SGCD: variants seen among roughly 807,000 people sequenced by gnomAD.
SGCD encodes the protein delta-sarcoglycan.
In SGCD, 18 loss-of-function variants were observed where a neutral mutation model predicts 36.6. That is an observed-to-expected ratio of 0.49 (90% CI 0.34 to 0.73). The LOEUF (loss-of-function observed/expected upper bound fraction) is 0.73. SGCD is among the 30% of genes least tolerant of loss of function. SGCD has a pLI of 0.01. For synonymous variants in SGCD, 133 were observed against 130.6 expected (o/e 1.02, Z -0.12); for missense variants, 387 against 346.7 (o/e 1.12, Z -0.92).
intron 4 of SGCD, among the ~76,000 whole-genome samples, chr5:156,550,980 T>C (rs1442723921): frequency 6.6e-6 from 1 of 152,206 alleles, no homozygotes; most frequent in Non-Finnish European, 1.5e-5. Flanking sequence ...CATGTTTCTT[T>C]ACCACTTGGC....
At chr5:156,585,545 G>A in intron 4 of SGCD, among the ~76,000 whole-genome samples, 1 of 152,186 alleles carries the variant, frequency 6.6e-6, no homozygotes, top group African/African-American at 2.4e-5. Context: ...TGTGATGACT[G>A]TGGAGAAGTC....
At position 156,419,998 on chromosome 5, in the gene SGCD, C is replaced by T. The variant is rs572132606; in HGVS notation, c.192+75321C>T. On this transcript the variant is annotated intron_variant, in intron 3 of 8. Transcript: ENST00000337851. The stretch of plus-strand genomic sequence containing the variant: ...CTAGGAAGACTCTTGTGACATGGCT[C>T]TGCCCCTGTCCTTCACCTCAGCCTC... Among the ~76,000 whole-genome samples, 523 of 152,204 alleles carry T rather than the reference C, an allele frequency of 3.4e-3. 3 individuals carry two copies. Among genetic ancestry groups the T allele is most frequent in the African/African-American group, 0.012 (504 of 41,556 alleles).
intron 1 of SGCD, among the ~76,000 whole-genome samples, chr5:156,012,907 A>G (rs1467275126): frequency 6.6e-6 from 1 of 151,082 alleles, no homozygotes; most frequent in Non-Finnish European, 1.5e-5. Context: ...CGCCCAGCCC[A>G]CGAAAGCTTC....
intron 3 of SGCD, among the ~76,000 whole-genome samples, chr5:156,452,417 C>G (rs1754060645): frequency 6.6e-6 from 1 of 152,160 alleles, no homozygotes; most frequent in African/African-American, 2.4e-5. Context: ...CTTCCCTTTT[C>G]TAAGATTATA....
intron 3 of SGCD, among the ~76,000 whole-genome samples, chr5:156,228,885 G>A (rs552336070): frequency 3.4e-5 from 5 of 146,054 alleles, no homozygotes; most frequent in Admixed American, 1.3e-4. Context: ...ACTGAAGGAC[G>A]CAAAGTATCA....
chr5:156,245,417 A>G (rs1200050929), intron 3 of SGCD, among the ~76,000 whole-genome samples: 1 of 152,204 alleles, frequency 6.6e-6, no homozygotes, highest in Non-Finnish European at 1.5e-5. Context: ...CCCTGTTGAG[A>G]TAATAGAACC....
In SGCD at chr5:156,466,343, CTATT is replaced by C. The variant is rs1280489147; in HGVS notation, c.193-42252_193-42249del. 2.0e-5 allele frequency among the ~76,000 whole-genome samples: 3 copies of C among 152,150 alleles called. No individual in the cohort carries two copies. In the South Asian group the frequency reaches 6.2e-4, roughly 32 times the overall value. ...AAATTTTTTTAACTCTTGTACACAA[CTATT>C]TATTTTCAAAACATGTTACAAACAC... On this transcript the variant is annotated intron_variant, in intron 3 of 8. Transcript: ENST00000337851.
intron 7 of SGCD, among the ~76,000 whole-genome samples, chr5:156,687,523 C>T (rs757988564): frequency 5.3e-4 from 81 of 152,256 alleles, no homozygotes; most frequent in African/African-American, 9.4e-4. Flanking sequence ...GAATAGCTAT[C>T]GGAGACTCTC....
chr5:156,136,279 A>C (rs942302061), intron 3 of SGCD, among the ~76,000 whole-genome samples: 1 of 152,068 alleles, frequency 6.6e-6, no homozygotes, highest in Non-Finnish European at 1.5e-5. Flanking sequence ...TACCTGGCTA[A>C]TTTTTAATTT....
intron 1 of SGCD, among the ~76,000 whole-genome samples, chr5:155,932,656 T>C (rs1757121431): frequency 6.6e-6 from 1 of 152,208 alleles, no homozygotes; most frequent in African/African-American, 2.4e-5. Context: ...GACCAAAATG[T>C]TTCACCCGTG....
chr5:155,904,479 G>A lies in SGCD; in HGVS notation c.-282+34055G>A, dbSNP rs571958472. Among the ~76,000 whole-genome samples the A allele has an allele frequency of 2.6e-5, 4 of 152,212 alleles. No homozygotes were observed. In the South Asian group the frequency reaches 8.3e-4, roughly 32 times the overall value. The stretch of plus-strand genomic sequence containing the variant: ...CTTCTAATGGTTAAAGTAACCTAAA[G>A]CAATTGTACTTTGTCTATCATTTTT... On this transcript the variant is annotated intron_variant, in intron 1 of 9. Transcript: ENST00000517913.
At chr5:155,864,928 A>T in the SGCD span, among the ~76,000 whole-genome samples, 1 of 152,200 alleles carries the variant, frequency 6.6e-6, no homozygotes, top group Admixed American at 6.5e-5. Flanking sequence ...AGCTACCAGG[A>T]TCTATGCTGG....
At chr5:156,593,943 G>A (rs1039332193) in intron 5 of SGCD, among the ~76,000 whole-genome samples, 4 of 152,100 alleles carry the variant, frequency 2.6e-5, no homozygotes, top group African/African-American at 9.7e-5. Context: ...TTTTCTGTAG[G>A]AACTTCTAGT....
intron 3 of SGCD, among the ~76,000 whole-genome samples, chr5:156,272,858 C>T (rs1421191403): frequency 6.6e-6 from 1 of 152,174 alleles, no homozygotes; most frequent in Non-Finnish European, 1.5e-5. Flanking sequence ...CACATCGCCA[C>T]ACTCATTTGT....
At chr5:156,532,025 G>A (rs567242289) in intron 4 of SGCD, among the ~76,000 whole-genome samples, 5 of 152,174 alleles carry the variant, frequency 3.3e-5, no homozygotes, top group South Asian at 2.1e-4. Context: ...CAGGAGAATC[G>A]CTTGAACCCA....
At chr5:156,055,401 T>G (rs1353960731) in intron 1 of SGCD, among the ~76,000 whole-genome samples, 2 of 146,094 alleles carry the variant, frequency 1.4e-5, no homozygotes, top group Non-Finnish European at 3.1e-5. Context: ...AGTCCCCAGA[T>G]GATTATTCTG....
intron 3 of SGCD, among the ~76,000 whole-genome samples, chr5:156,283,925 G>A (rs1766525434): frequency 6.6e-6 from 1 of 152,132 alleles, no homozygotes; most frequent in African/African-American, 2.4e-5. Flanking sequence ...CTTTCATTTA[G>A]GGAATAGATT....
intron 7 of SGCD, among the ~76,000 whole-genome samples, chr5:156,691,775 AC>A (rs1217771417): frequency 1.3e-4 from 20 of 152,322 alleles, no homozygotes; most frequent in African/African-American, 4.6e-4. Flanking sequence ...AATATTATGG[AC>A]CCCAGCAACC....
At chr5:156,169,016 A>G (rs376885782) in intron 3 of SGCD, among the ~76,000 whole-genome samples, 27 of 152,348 alleles carry the variant, frequency 1.8e-4, no homozygotes, top group Middle Eastern at 6.8e-3. Context: ...AAAGGCTGAC[A>G]GGAGAAACAT....
Sources: allele counts gnomAD v4.1 joint callset (sites outside exome capture counted in the v4.1 genomes callset), GRCh38; gene constraint gnomAD v4.1.1; transcripts MANE v1.5; gene names NCBI Gene and HGNC (gene_info 2026-07-23, HGNC 2026-07-21).